TTN: variants seen among roughly 807,000 people sequenced by gnomAD.
The protein encoded by TTN is titin.
TTN carries 1,525 observed loss-of-function variants against 3,223.0 expected under a neutral mutation model. The observed-to-expected ratio is 0.47, with a 90% CI of 0.45 to 0.49. TTN has a LOEUF of 0.49. TTN is among the 20% of genes least tolerant of loss of function. The probability of loss-of-function intolerance (pLI) is 0.00; values close to 1 mark genes in which losing one functional copy is unlikely to be tolerated. For synonymous variants in TTN, 14,094 were observed against 15,161.0 expected (o/e 0.93, Z 5.17); for missense variants, 40,786 against 43,424.0 (o/e 0.94, Z 5.40).
Position 178,552,221 on chromosome 2 carries a change from T to A in TTN, c.90679A>T (p.Lys30227Ter). 6.2e-7 allele frequency: 1 copy of A among 1,613,438 alleles called. No individual in the cohort carries two copies. The highest frequency in any genetic ancestry group is 8.5e-7 in the Non-Finnish European group (1 of 1,179,622). Residue 30227 changes from lysine to a stop codon, truncating the protein, a stop_gained, in exon 335 of 363, where the codon AAG becomes TAG. Transcript: ENST00000589042. LOFTEE classifies it high-confidence loss of function. ...ITVITLGPPS[K>*]PKGPIRFDEI... ...TCAAATCGAATGGGTCCTTTGGGCTTTGATGGTGGGCCAAGGGTGATGACT... is the reference window on the plus strand; with the variant it reads ...TCAAATCGAATGGGTCCTTTGGGCTATGATGGTGGGCCAAGGGTGATGACT...
At chr2:178,542,635 G>A (rs1188223483) in intron 348 of TTN, 27 bp downstream of exon 348, 1 of 1,602,516 alleles carries the variant, frequency 6.2e-7, no homozygotes, top group African/African-American at 1.3e-5. Context: ...ACATCAACTT[G>A]CTTGTATCTT....
intron 223 of TTN, among the ~76,000 whole-genome samples, chr2:178,638,618 A>G (rs1396374700): frequency 6.6e-6 from 1 of 150,618 alleles, no homozygotes; most frequent in African/African-American, 2.4e-5. Flanking sequence ...GGAGATGATC[A>G]TTTTTCCATA....
chr2:178,588,387 G>T, intron 304 of TTN, 151 bp downstream of exon 304: 1 of 1,146,708 alleles, frequency 8.7e-7, no homozygotes, highest in Non-Finnish European at 1.2e-6. Context: ...GTACCTTTTA[G>T]GTATTTTGGT....
At chr2:178,602,671 A>C in intron 282 of TTN, 81 bp from the exon 283 acceptor site, 1 of 1,054,552 alleles carries the variant, frequency 9.5e-7, no homozygotes, top group Non-Finnish European at 1.3e-6. Flanking sequence ...ACATGATCAT[A>C]TATTATTTTA....
rs1362003473 is a variant in TTN at position 178,576,775 on chromosome 2, T to C, written c.69469A>G (p.Thr23157Ala). 6.2e-7 allele frequency: 1 copy of C among 1,613,372 alleles called. No individual in the cohort carries two copies. Among genetic ancestry groups the C allele is most frequent in the East Asian group, 2.2e-5 (1 of 44,778 alleles). ...TCCACTGGCCTTTTCCAGCTGACAG[T>C]GGCAGTGTTCTTAGTGACATTTGAT... ...EVSNVTKNTA[T>A]VSWKRPVDDG... The change falls in exon 325 of 363, where the codon ACT (threonine) becomes GCT (alanine). Residue 23157 changes from threonine (T) to alanine (A), a missense_variant. Thr to Ala is a moderately conservative substitution (Grantham distance 58). Transcript: ENST00000589042. The surrounding 1 kb of genome is among the most constrained non-coding windows in gnomAD (Gnocchi z 4.3).
At position 178,552,848 on chromosome 2, in the gene TTN, G is replaced by T. The variant is rs775796355; in HGVS notation, c.90052C>A (p.Pro30018Thr). ...TTCACTGGCTCTGTAGTTTCACAGGGTTCCCCAATTCCAATTTCATTTTCT... is the reference window on the plus strand; with the variant it reads ...TTCACTGGCTCTGTAGTTTCACAGGTTTCCCCAATTCCAATTTCATTTTCT... ...LAENEIGIGE[P>T]CETTEPVKAA... is the part of the protein sequence containing the mutation. Residue 30018 changes from proline to threonine, a missense_variant, in exon 335 of 363, where the codon CCC becomes ACC. Physicochemically the swap from Pro to Thr is conservative, Grantham distance 38. Transcript: ENST00000589042. 6 of 1,613,818 alleles carry T rather than the reference G, an allele frequency of 3.7e-6. No individual in the cohort carries two copies. The highest frequency in any genetic ancestry group is 2.2e-5 in the South Asian group (2 of 91,084).
intron 47 of TTN, chr2:178,747,364 T>C: frequency 1.2e-6 from 2 of 1,613,358 alleles, no homozygotes; most frequent in Non-Finnish European, 1.7e-6. Context: ...ATTGTTTAGT[T>C]ATATCTGAAG....
At position 178,724,146 on chromosome 2, in the gene TTN, G is replaced by A; in HGVS notation, c.21116-3C>T. ...GAAAGAGGGAGGAACTGCTCGGTCTGTGTGAGGAAAGGTAAGAGACTCATC... is the reference window on the plus strand; with the variant it reads ...GAAAGAGGGAGGAACTGCTCGGTCTATGTGAGGAAAGGTAAGAGACTCATC... On this transcript the variant is annotated splice_region_variant and splice_polypyrimidine_tract_variant and intron_variant, in intron 72 of 362. Coordinates refer to ENST00000589042, the MANE Select transcript of TTN (RefSeq NM_001267550.2). 1 of 1,607,402 alleles carries A rather than the reference G, an allele frequency of 6.2e-7. No individual in the cohort carries two copies. The highest frequency in any genetic ancestry group is 8.5e-7 in the Non-Finnish European group (1 of 1,176,028).
chr2:178,612,402 G>T lies in TTN; in HGVS notation c.50123C>A (p.Thr16708Asn), dbSNP rs777539591. The T allele has an allele frequency of 1.2e-6, 2 of 1,612,510 alleles. No homozygotes were observed. Among genetic ancestry groups the T allele is most frequent in the South Asian group, 2.2e-5 (2 of 91,040 alleles). ...WQTVDTTVKD[T>N]KCTVTPLTEG... is the part of the protein sequence containing the mutation. The stretch of plus-strand genomic sequence containing the variant: ...AGTCAGTGGGGTGACTGTGCACTTG[G>T]TGTCCTTGACAGTGGTATCCACTGT... Residue 16708 changes from threonine to asparagine, a missense_variant, in exon 266 of 363, where the codon ACC (threonine) becomes AAC (asparagine). Thr to Asn is a moderately conservative substitution (Grantham distance 65). Transcript: ENST00000589042.
At chr2:178,721,741 T>C (rs909098753) in intron 78 of TTN, 106 bp downstream of exon 78, 8 of 1,241,724 alleles carry the variant, frequency 6.4e-6, no homozygotes, top group Admixed American at 2.6e-5. Context: ...AATTCTAACA[T>C]GTCCAGTTAG....
Position 178,620,868 on chromosome 2 carries a change from A to G in TTN, c.45742T>C (p.Phe15248Leu). The G allele has an allele frequency of 6.2e-7, 1 of 1,612,648 alleles. No homozygotes were observed. Among genetic ancestry groups the G allele is most frequent in the Non-Finnish European group, 8.5e-7 (1 of 1,179,150 alleles). The change falls in exon 247 of 363, where the codon TTT becomes CTT. Residue 15248 changes from phenylalanine to leucine, a missense_variant. Coordinates refer to ENST00000589042, the MANE Select transcript of TTN (RefSeq NM_001267550.2). ...AGAATGATGTATTTTGAACTATCAA[A>G]TATAGCTTCTTCATTTCTGAACCAT... ...AKWFRNEEAI[F>L]DSSKYIILQK...
intron 6 of TTN, chr2:178,798,350 A>G (rs1159128234): frequency 6.6e-6 from 1 of 152,050 alleles, no homozygotes; most frequent in Non-Finnish European, 1.5e-5. Context: ...TAAATCCCAA[A>G]CTTTCAAAAC....
chr2:178,618,689 A>C lies in TTN; in HGVS notation c.46861T>G (p.Ser15621Ala). The C allele has an allele frequency of 6.2e-7, 1 of 1,612,146 alleles. No homozygotes were observed. The highest frequency in any genetic ancestry group is 8.5e-7 in the Non-Finnish European group (1 of 1,178,914). Residue 15621 changes from serine to alanine, a missense_variant, in exon 251 of 363, where the codon TCT becomes GCT. Ser to Ala is a moderately conservative substitution (Grantham distance 99). Coordinates refer to ENST00000589042, the MANE Select transcript of TTN (RefSeq NM_001267550.2). The part of the protein sequence containing the change: ...KTIDTTAEQT[S>A]FRILEAKKGD... Reference sequence around the variant, plus strand: ...TTCTTGGCTTCTAAAATTCTGAAAGAAGTTTGTTCAGCCGTAGTATCAATG... The same window carrying C: ...TTCTTGGCTTCTAAAATTCTGAAAGCAGTTTGTTCAGCCGTAGTATCAATG...
At position 178,542,493 on chromosome 2, in the gene TTN, C is replaced by A; in HGVS notation, c.97263G>T (p.Trp32421Cys). 2 of 1,612,700 alleles carry A rather than the reference C, an allele frequency of 1.2e-6. No individual in the cohort carries two copies. Among genetic ancestry groups the A allele is most frequent in the East Asian group, 2.2e-5 (1 of 44,802 alleles). Residue 32421 changes from tryptophan to cysteine, a missense_variant, in exon 349 of 363, where the codon TGG becomes TGT. Transcript: ENST00000589042. ...CACCACCGTCCAATTCAGGTGGTTC[C>A]CAGGAAATGGTAATTGATGTAGCAT... The part of the protein sequence containing the change: ...EIDATSITIS[W>C]EPPELDGGAP...
rs371837040 is a variant in TTN, at chr2:178,776,681, G to A, written c.5183C>T (p.Pro1728Leu). The change falls in exon 28 of 363, where the codon CCC (proline) becomes CTC (leucine). Residue 1728 changes from proline (P) to leucine (L), a missense_variant. By Grantham distance (98) the Pro-to-Leu change is moderately conservative (BLOSUM62 -3). Coordinates refer to ENST00000589042, the MANE Select transcript of TTN (RefSeq NM_001267550.2). The stretch of plus-strand genomic sequence containing the variant: ...CACCACCATCGTTGGGTCACCAATG[G>A]GTGTTAGCCTGCATTCAAAGTGGGC... ...GPAHFECRLT[P>L]IGDPTMVVEW... 1.9e-6 allele frequency: 3 copies of A among 1,613,924 alleles called. No individual in the cohort carries two copies. The highest frequency in any genetic ancestry group is 2.5e-6 in the Non-Finnish European group (3 of 1,180,004).
rs1162344519 is a variant in TTN at position 178,610,099 on chromosome 2, C to T, written c.51427G>A (p.Asp17143Asn). The stretch of plus-strand genomic sequence containing the variant: ...CCATGTCCAAACTTACGCTTTGGAT[C>T]TTGAGCAATGACTGGATTTTTCAGT... Reference protein sequence around the residue: ...IELKNPVIAQDPKQPPDPPVD... With the variant: ...IELKNPVIAQNPKQPPDPPVD... The change falls in exon 271 of 363, where the codon GAT becomes AAT. Residue 17143 changes from aspartate (D) to asparagine (N), a missense_variant. Transcript: ENST00000589042. 1 of 1,612,792 alleles carries T rather than the reference C, an allele frequency of 6.2e-7. No homozygotes were observed. The highest frequency in any genetic ancestry group is 1.1e-5 in the South Asian group (1 of 91,060).
Position 178,594,168 on chromosome 2 carries a change from G to A in TTN, c.58225C>T (p.Arg19409Cys), listed in dbSNP as rs553606996. 9 of 1,613,292 alleles carry A rather than the reference G, an allele frequency of 5.6e-6. No homozygotes were observed. The highest frequency in any genetic ancestry group is 4.5e-5 in the East Asian group (2 of 44,672). The change falls in exon 297 of 363, where the codon CGT becomes TGT. Residue 19409 changes from arginine to cysteine, a missense_variant. Transcript: ENST00000589042. ...RVGEAFALTGRYSGKPKPKVS... is the reference protein window; with the variant it reads ...RVGEAFALTGCYSGKPKPKVS... The stretch of plus-strand genomic sequence containing the variant: ...TTAGGCTTTGGTTTGCCTGAGTAAC[G>A]GCCAGTGAGGGCAAAAGCTTCACCA...
intron 47 of TTN, chr2:178,749,491 A>T: frequency 6.2e-7 from 1 of 1,612,852 alleles, no homozygotes; most frequent in Non-Finnish European, 8.5e-7. Context: ...CCCTTACTGA[A>T]TATTCTTTTA....
At position 178,571,441 on chromosome 2, in the gene TTN, T is replaced by G; in HGVS notation, c.74691A>C (p.Ser24897=). 1 of 1,613,470 alleles carries G rather than the reference T, an allele frequency of 6.2e-7. No individual in the cohort carries two copies. Among genetic ancestry groups the G allele is most frequent in the Non-Finnish European group, 8.5e-7 (1 of 1,179,582 alleles). Residue 24897 remains serine (S), a synonymous_variant, in exon 326 of 363, where the codon TCA becomes TCC. Coordinates refer to ENST00000589042, the MANE Select transcript of TTN (RefSeq NM_001267550.2). ...ATGGATATTGGGCTACAGTAGGCTCTGAATTGAGGTAGGTACTCTTCCCAT... is the reference window on the plus strand; with the variant it reads ...ATGGATATTGGGCTACAGTAGGCTCGGAATTGAGGTAGGTACTCTTCCCAT... ...NRYGKSTYLN[S]EPTVAQYPFK... is the part of the protein sequence containing the mutation.
Sources: allele counts gnomAD v4.1 joint callset (sites outside exome capture counted in the v4.1 genomes callset), GRCh38; gene constraint gnomAD v4.1.1; non-coding constraint Gnocchi (gnomAD v3.1); transcripts MANE v1.5; gene names NCBI Gene and HGNC (gene_info 2026-07-23, HGNC 2026-07-21).